KDM3B: variants seen among roughly 807,000 people sequenced by gnomAD.
KDM3B encodes the protein lysine demethylase 3B.
Under a neutral mutation model 170.0 loss-of-function variants are expected in KDM3B, and 10 were observed. That is an observed-to-expected ratio of 0.06 (90% CI 0.04 to 0.10). KDM3B has a LOEUF of 0.10. Ranked by LOEUF, KDM3B falls within the 10% of genes least tolerant of loss-of-function variation. The probability of loss-of-function intolerance (pLI) is 1.00; values close to 1 mark genes in which losing one functional copy is unlikely to be tolerated. For synonymous variants in KDM3B, 831 were observed against 834.8 expected, an observed-to-expected ratio of 1.00 and a Z score of 0.08; for missense variants, 1,394 against 2,195.2, an observed-to-expected ratio of 0.64 and a Z score of 7.29.
chr5:138,419,313 C>A, intron 14 of KDM3B, 81 bp downstream of exon 14: 1 of 1,435,234 alleles, frequency 7.0e-7, no homozygotes, highest in South Asian at 1.3e-5. Context: ...CACACATTAC[C>A]ATCCACATTT....
chr5:138,368,260 T>A (rs1254007908), intron 1 of KDM3B, among the ~76,000 whole-genome samples: 1 of 149,676 alleles, frequency 6.7e-6, no homozygotes, highest in African/African-American at 2.5e-5. Context: ...GGAGACAGGG[T>A]CTCACTCTGT....
At chr5:138,395,190 G>A (rs1487461394) in intron 9 of KDM3B, among the ~76,000 whole-genome samples, 1 of 152,176 alleles carries the variant, frequency 6.6e-6, no homozygotes. Flanking sequence ...CAGCTCTAGA[G>A]TTAAGGGAAG....
chr5:138,415,252 C>G lies in KDM3B; in HGVS notation c.3307+13C>G. Reference sequence around the variant, plus strand: ...ATTCCTGGCACAGGTAAGGAAATTCCTTTTTTAGATTTGGTGGAAGAAATG... The same window carrying G: ...ATTCCTGGCACAGGTAAGGAAATTCGTTTTTTAGATTTGGTGGAAGAAATG... On this transcript the variant is annotated intron_variant, in intron 12 of 23. Coordinates refer to ENST00000314358, the MANE Select transcript of KDM3B (RefSeq NM_016604.4). 6.4e-7 allele frequency: 1 copy of G among 1,551,710 alleles called. No individual in the cohort carries two copies. Among genetic ancestry groups the G allele is most frequent in the Non-Finnish European group, 8.9e-7 (1 of 1,129,918 alleles).
chr5:138,371,374 T>C (rs1363363094), intron 1 of KDM3B, among the ~76,000 whole-genome samples: 2 of 150,416 alleles, frequency 1.3e-5, no homozygotes, highest in Non-Finnish European at 3.0e-5. Flanking sequence ...GAGAATTGCT[T>C]GAGCCTAGGA....
intron 7 of KDM3B, 55 bp from the exon 8 acceptor site, chr5:138,390,958 T>C (rs1252857597): frequency 6.8e-7 from 1 of 1,472,162 alleles, no homozygotes; most frequent in African/African-American, 1.4e-5. Context: ...AAGAAAGAGA[T>C]CATTAGATTG....
chr5:138,358,153 A>G (rs943114130), intron 1 of KDM3B, among the ~76,000 whole-genome samples: 2 of 148,158 alleles, frequency 1.3e-5, no homozygotes, highest in South Asian at 2.1e-4. Flanking sequence ...GTCCACCACC[A>G]TGTAATTTTA....
In KDM3B at chr5:138,424,197, A is replaced by G. The variant is rs761737410; in HGVS notation, c.4095A>G (p.Glu1365=). 6 of 1,614,046 alleles carry G rather than the reference A, an allele frequency of 3.7e-6. No individual in the cohort carries two copies. The African/African-American group carries it at 5.3e-5, about 14-fold the overall frequency. The change falls in exon 16 of 24, where the codon GAA becomes GAG. Residue 1365 remains glutamate, a synonymous_variant. Transcript: ENST00000314358. ...GCAACTTGACTGATACCCAGAAGGA[A>G]GTGAAGGAGATGGTGATGGGGTTAA... The part of the protein sequence containing the change: ...RACNLTDTQK[E]VKEMVMGLNV...
rs199655153 is a variant in KDM3B at position 138,420,915 on chromosome 5, T to G, written c.3925T>G (p.Leu1309Val). 2 of 1,614,126 alleles carry G rather than the reference T, an allele frequency of 1.2e-6. No homozygotes were observed. The highest frequency in any genetic ancestry group is 4.5e-5 in the East Asian group (2 of 44,880). ...SGPGKLPQTP[L>V]DTGIPFPPVF... Reference sequence around the variant, plus strand: ...GCCGGGAAAACTTCCTCAAACCCCCTTGGACACAGGCATACCCTTTCCCCC... The same window carrying G: ...GCCGGGAAAACTTCCTCAAACCCCCGTGGACACAGGCATACCCTTTCCCCC... The change falls in exon 15 of 24, where the codon TTG (leucine) becomes GTG (valine). Residue 1309 changes from leucine (L) to valine (V), a missense_variant. Physicochemically the swap from Leu to Val is conservative, Grantham distance 32. Coordinates refer to ENST00000314358, the MANE Select transcript of KDM3B (RefSeq NM_016604.4).
intron 11 of KDM3B, among the ~76,000 whole-genome samples, chr5:138,405,002 A>G (rs555803408): frequency 6.6e-6 from 1 of 151,996 alleles, no homozygotes; most frequent in East Asian, 1.9e-4. Flanking sequence ...CAGCCTCCCA[A>G]AGTGCTGGGA....
chr5:138,374,387 T>A (rs2126924811), intron 2 of KDM3B: 1 of 362,872 alleles, frequency 2.8e-6, no homozygotes, highest in Non-Finnish European at 5.6e-6. Context: ...GCCTCCCGAG[T>A]AACTGGGATT....
chr5:138,395,800 TAG>T (rs1402081417), intron 9 of KDM3B, among the ~76,000 whole-genome samples: 2 of 151,832 alleles, frequency 1.3e-5, no homozygotes, highest in Admixed American at 1.3e-4. Flanking sequence ...GTATTTTTGG[TAG>T]AGACAGGGTT....
Position 138,352,961 on chromosome 5 carries a change from A to T in KDM3B, c.166A>T (p.Ser56Cys). ...AWRAGTVRAM[S>C]GAVPQDLAIF... ...GCGGGCCGGCACGGTGCGGGCCATG[A>T]GCGGGGCGGTGCCCCAGGACCTAGC... Residue 56 changes from serine to cysteine, a missense_variant, in exon 1 of 24, where the codon AGC becomes TGC. Around this residue, in one of 19 missense-constraint regions of KDM3B, gnomAD observed 99 missense variants for 97.5 expected, o/e 1.02. Transcript: ENST00000314358. 1 of 1,259,350 alleles carries T rather than the reference A, an allele frequency of 7.9e-7. No homozygotes were observed. 78.0% of individuals were successfully genotyped at this position (1,259,350 alleles called of 1,614,324 possible).
At chr5:138,428,307 G>A (rs536093969) in intron 20 of KDM3B, among the ~76,000 whole-genome samples, 1 of 151,928 alleles carries the variant, frequency 6.6e-6, no homozygotes, top group Non-Finnish European at 1.5e-5. Context: ...TGCCTCCCAC[G>A]TTCAAGCGAT....
rs973844645 is a variant in KDM3B at position 138,386,256 on chromosome 5, G to T, written c.1015G>T (p.Ala339Ser). Residue 339 changes from alanine to serine, a missense_variant, in exon 7 of 24, where the codon GCC becomes TCC. By Grantham distance (99) the Ala-to-Ser change is moderately conservative. This residue lies in a region of KDM3B where 205 missense variants were observed against 227.6 expected (regional missense o/e 0.90). Transcript: ENST00000314358. The part of the protein sequence containing the change: ...ASGEPGLDQR[A>S]KQPPSTFVPQ... ...TGGAGAGCCAGGGCTGGATCAGAGA[G>T]CCAAGCAGCCACCGTCTACATTTGT... 2.5e-6 allele frequency: 4 copies of T among 1,614,162 alleles called. No homozygotes were observed. The highest frequency in any genetic ancestry group is 1.7e-6 in the Non-Finnish European group (2 of 1,180,032).
chr5:138,418,884 G>A lies in KDM3B; in HGVS notation c.3436-69G>A, dbSNP rs2126989908. The A allele has an allele frequency of 8.4e-6, 12 of 1,426,784 alleles. 1 individual carries two copies. In the South Asian group the frequency reaches 1.5e-4, roughly 17 times the overall value. 88.4% of individuals were successfully genotyped at this position (1,426,784 alleles called of 1,614,324 possible). A position where few individuals can be genotyped will look rare whatever the true frequency, so the allele number is the denominator to read the frequency against. On this transcript the variant is annotated intron_variant, in intron 13 of 23. Coordinates refer to ENST00000314358, the MANE Select transcript of KDM3B (RefSeq NM_016604.4). The stretch of plus-strand genomic sequence containing the variant: ...TTCCCAGACCTATTTAGTATGTGAA[G>A]CCATTACTAGTTGTATTTTTTTCTA...
chr5:138,374,332 G>A (rs778082390), intron 2 of KDM3B: 21 of 431,372 alleles, frequency 4.9e-5, no homozygotes, highest in Non-Finnish European at 7.9e-5. Context: ...GCTCGATCTC[G>A]GCTCACCACC....
chr5:138,427,940 C>T (rs757890374), intron 19 of KDM3B, 27 bp from the exon 20 acceptor site: 12 of 1,607,584 alleles, frequency 7.5e-6, no homozygotes, highest in Non-Finnish European at 1.0e-5. Flanking sequence ...TGGCCCTTCA[C>T]CTTGCATATT....
chr5:138,389,776 C>CTGTGTGTGTGTGTG, intron 7 of KDM3B, among the ~76,000 whole-genome samples: 1 of 116,618 alleles, frequency 8.6e-6, no homozygotes, highest in South Asian at 4.0e-4. Context: ...CTCTCTCTCT[C>CTGTGTGTGTGTGTG]TCTCTCTGTG....
chr5:138,393,524 A>G (rs1666227290), intron 9 of KDM3B, 152 bp downstream of exon 9: 3 of 651,432 alleles, frequency 4.6e-6, no homozygotes, highest in South Asian at 2.0e-5. Flanking sequence ...GCTCTGGCAT[A>G]GTAGTCACTT....
Sources: gnomAD v4.1 joint callset for allele counts (sites outside exome capture counted in the v4.1 genomes callset) on GRCh38, gnomAD v4.1.1 for gene constraint, gnomAD v4.1.1 regional missense constraint, MANE v1.5 for transcripts, NCBI Gene and HGNC (gene_info 2026-07-23, HGNC 2026-07-21) for gene names.